NBEAL1: variants seen among roughly 807,000 people sequenced by gnomAD.
NBEAL1 encodes neurobeachin-like protein 1.
In NBEAL1, 273 loss-of-function variants were observed where a neutral mutation model predicts 351.3. The ratio of observed to expected loss-of-function variants is 0.78; its 90% confidence interval spans 0.70 to 0.86. The LOEUF (loss-of-function observed/expected upper bound fraction) is 0.86, where lower values mean the gene tolerates loss of function less well. Among genes scored for constraint, NBEAL1 ranks in the 40% least tolerant of loss-of-function variants. The probability of loss-of-function intolerance (pLI) is 0.00; values close to 1 mark genes in which losing one functional copy is unlikely to be tolerated. For synonymous variants in NBEAL1, 1,050 were observed against 1,086.4 expected (o/e 0.97, Z 0.66); for missense variants, 2,961 against 3,201.3 (o/e 0.92, Z 1.81).
intron 27 of NBEAL1, among the ~76,000 whole-genome samples, chr2:203,134,048 T>C (rs527573227): frequency 6.7e-4 from 102 of 152,216 alleles, no homozygotes; most frequent in African/African-American, 2.4e-3. Context: ...CTCCATGAAA[T>C]AGAATTGCTG....
chr2:203,145,175 T>C lies in NBEAL1; in HGVS notation c.5304+15T>C. ...TCAAATTTCAGGTAAAAAGTAAATG[T>C]TTTAATATCTAGTTTTTCTTGTTGA... On this transcript the variant is annotated intron_variant, in intron 33 of 55. Coordinates refer to ENST00000683969, the MANE Select transcript of NBEAL1 (RefSeq NM_001378026.1). 1.9e-6 allele frequency: 3 copies of C among 1,594,730 alleles called. No homozygotes were observed. The highest frequency in any genetic ancestry group is 2.3e-5 in the South Asian group (2 of 86,926).
chr2:203,044,627 C>T (rs1478818163), intron 3 of NBEAL1, among the ~76,000 whole-genome samples: 1 of 152,106 alleles, frequency 6.6e-6, no homozygotes, highest in African/African-American at 2.4e-5. Flanking sequence ...TTACTTAATA[C>T]TGTGTTTCAT....
intron 2 of NBEAL1, among the ~76,000 whole-genome samples, chr2:203,031,807 C>G (rs776826417): frequency 2.0e-5 from 3 of 152,122 alleles, no homozygotes; most frequent in Non-Finnish European, 2.9e-5. Context: ...ATAAAAAAGA[C>G]TAAAACTTAA....
At chr2:203,041,662 G>T in intron 2 of NBEAL1, 103 bp from the exon 3 acceptor site, 1 of 722,698 alleles carries the variant, frequency 1.4e-6, no homozygotes, top group Non-Finnish European at 2.3e-6. Context: ...ATCACTTGGA[G>T]ATTTCATAGT....
At chr2:203,150,205 C>T (rs1425240099) in intron 34 of NBEAL1, among the ~76,000 whole-genome samples, 1 of 152,144 alleles carries the variant, frequency 6.6e-6, no homozygotes, top group African/African-American at 2.4e-5. Context: ...AATTTCTCCG[C>T]ATTCTTACTA....
chr2:203,085,169 G>T (rs879900028), intron 10 of NBEAL1: 1 of 152,318 alleles, frequency 6.6e-6, no homozygotes, highest in Non-Finnish European at 1.5e-5. Flanking sequence ...GCAATCTGCA[G>T]CCTCCACCTC....
chr2:203,094,351 C>A (rs541761302), intron 10 of NBEAL1, among the ~76,000 whole-genome samples: 1 of 152,294 alleles, frequency 6.6e-6, no homozygotes, highest in East Asian at 1.9e-4. Context: ...CCCAAATATA[C>A]CGCATGATGC....
intron 6 of NBEAL1, among the ~76,000 whole-genome samples, chr2:203,067,119 G>A (rs1040358467): frequency 1.1e-4 from 17 of 152,188 alleles, no homozygotes; most frequent in East Asian, 1.9e-4. Context: ...CAGGCGGGGC[G>A]GCCAAAATTT....
At chr2:203,136,909 C>A in intron 29 of NBEAL1, 135 bp downstream of exon 29, 1 of 746,936 alleles carries the variant, frequency 1.3e-6, no homozygotes, top group Non-Finnish European at 2.1e-6. Context: ...GTGCTCAGTT[C>A]CTTTTCCTAT....
chr2:203,059,296 TAGAC>T (rs2061457809), intron 6 of NBEAL1, among the ~76,000 whole-genome samples: 1 of 152,194 alleles, frequency 6.6e-6, no homozygotes, highest in African/African-American at 2.4e-5. Flanking sequence ...AAATTTCAGT[TAGAC>T]AGGAGGAATA....
At chr2:203,056,033 C>T (rs2061396866) in intron 4 of NBEAL1, among the ~76,000 whole-genome samples, 1 of 151,824 alleles carries the variant, frequency 6.6e-6, no homozygotes, top group African/African-American at 2.4e-5. Flanking sequence ...ACAGTATGTA[C>T]AAAAAAGAAA....
At chr2:203,069,005 C>T (rs2061638074) in intron 7 of NBEAL1, among the ~76,000 whole-genome samples, 1 of 152,200 alleles carries the variant, frequency 6.6e-6, no homozygotes, top group Admixed American at 6.5e-5. Context: ...GCTGGGATTA[C>T]AGGCATGAGC....
rs1257058455 is a variant in NBEAL1, at chr2:203,077,834, G to A, written c.681G>A (p.Gly227=). 2 of 1,437,514 alleles carry A rather than the reference G, an allele frequency of 1.4e-6. No homozygotes were observed. Among genetic ancestry groups the A allele is most frequent in the Non-Finnish European group, 1.8e-6 (2 of 1,088,396 alleles). 89.0% of individuals were successfully genotyped at this position (1,437,514 alleles called of 1,614,324 possible). ...TCTTTGGAGCCATTGTAGCCGGTGG[G>A]CAGGTAAGGAAAGTGTTGAAATTTA... is the stretch of plus-strand genomic sequence containing the variant. ...LHLFGAIVAG[G]QRNALQAISP... Residue 227 remains glycine (G), a synonymous_variant, in exon 8 of 56, where the codon GGG becomes GGA. Transcript: ENST00000683969.
chr2:203,060,262 G>T (rs1238303994), intron 6 of NBEAL1, among the ~76,000 whole-genome samples: 1 of 151,932 alleles, frequency 6.6e-6, no homozygotes, highest in African/African-American at 2.4e-5. Flanking sequence ...AATAAAATTG[G>T]TAGCTAAAAA....
chr2:203,167,150 A>G (rs1351785582), intron 37 of NBEAL1, 77 bp from the exon 38 acceptor site: 4 of 1,361,540 alleles, frequency 2.9e-6, no homozygotes, highest in East Asian at 2.4e-5. Context: ...CCTTTTGTCA[A>G]GAACTAAGAG....
At chr2:203,197,230 G>T in intron 47 of NBEAL1, 72 bp from the exon 48 acceptor site, 1 of 809,884 alleles carries the variant, frequency 1.2e-6, no homozygotes, top group Non-Finnish European at 2.1e-6. Flanking sequence ...CTTATTTAAA[G>T]AGACGGTTTT....
At chr2:203,068,555 T>G in intron 7 of NBEAL1, 80 bp downstream of exon 7, 1 of 681,708 alleles carries the variant, frequency 1.5e-6, no homozygotes, top group Non-Finnish European at 2.4e-6. Flanking sequence ...GATTCTGATC[T>G]TGATTCAGCT....
intron 25 of NBEAL1, among the ~76,000 whole-genome samples, chr2:203,131,548 C>T (rs1436956719): frequency 2.6e-5 from 4 of 152,174 alleles, no homozygotes; most frequent in African/African-American, 9.7e-5. Flanking sequence ...TTACATTATA[C>T]TATAATAGGG....
intron 6 of NBEAL1, among the ~76,000 whole-genome samples, chr2:203,066,323 C>CTTTTTTTT (rs35459326): frequency 1.4e-5 from 2 of 139,984 alleles, no homozygotes. Context: ...AAATTTTATC[C>CTTTTTTTT]TTTTTTTTTT....
Sources: gnomAD v4.1 joint callset for allele counts (sites outside exome capture counted in the v4.1 genomes callset) on GRCh38, gnomAD v4.1.1 for gene constraint, MANE v1.5 for transcripts, NCBI Gene and HGNC (gene_info 2026-07-23, HGNC 2026-07-21) for gene names.